The following ARHGAP15 variants were observed in gnomAD, a reference collection of about 807,000 sequenced individuals.
ARHGAP15 encodes rho GTPase-activating protein 15.
ARHGAP15 carries 51 observed loss-of-function variants against 63.7 expected under a neutral mutation model. That is an observed-to-expected ratio of 0.80 (90% CI 0.64 to 1.01). ARHGAP15 has a LOEUF of 1.01. ARHGAP15 is among the 50% of genes least tolerant of loss of function. The probability of loss-of-function intolerance (pLI) is 0.00; values close to 1 mark genes in which losing one functional copy is unlikely to be tolerated. For synonymous variants in ARHGAP15, 191 were observed against 193.8 expected (o/e 0.99, Z 0.12); for missense variants, 560 against 564.6 (o/e 0.99, Z 0.08).
chr2:143,335,403 T>A (rs755930640), intron 6 of ARHGAP15, among the ~76,000 whole-genome samples: 1 of 152,208 alleles, frequency 6.6e-6, no homozygotes, highest in Non-Finnish European at 1.5e-5. Context: ...TTTTAGATGC[T>A]GAGTCAGAGC....
chr2:143,130,794 T>C (rs1156469367), intron 1 of ARHGAP15, among the ~76,000 whole-genome samples: 2 of 152,178 alleles, frequency 1.3e-5, no homozygotes, highest in Non-Finnish European at 2.9e-5. Context: ...TGCTTTGATA[T>C]TGTGATTAGA....
intron 6 of ARHGAP15, among the ~76,000 whole-genome samples, chr2:143,386,340 C>CA (rs1687286219): frequency 6.6e-6 from 1 of 151,996 alleles, no homozygotes; most frequent in African/African-American, 2.4e-5. Flanking sequence ...AGCCATATAT[C>CA]AAAAAATAGA....
chr2:143,322,264 A>G (rs1056850353), intron 6 of ARHGAP15, among the ~76,000 whole-genome samples: 1 of 152,200 alleles, frequency 6.6e-6, no homozygotes, highest in Non-Finnish European at 1.5e-5. Context: ...AGGAGATACT[A>G]TGTTGATTTG....
At chr2:143,304,306 G>A (rs1683066127) in intron 6 of ARHGAP15, among the ~76,000 whole-genome samples, 1 of 152,136 alleles carries the variant, frequency 6.6e-6, no homozygotes, top group South Asian at 2.1e-4. Flanking sequence ...CCTCTGTAGG[G>A]ACATGGATGA....
intron 6 of ARHGAP15, among the ~76,000 whole-genome samples, chr2:143,359,504 A>G (rs187096073): frequency 9.8e-4 from 149 of 152,152 alleles, no homozygotes; most frequent in African/African-American, 3.5e-3. Context: ...TTCAGAATTC[A>G]TTTCTTGCCA....
At chr2:143,219,585 C>T (rs1349381892) in intron 4 of ARHGAP15, among the ~76,000 whole-genome samples, 1 of 152,158 alleles carries the variant, frequency 6.6e-6, no homozygotes, top group Non-Finnish European at 1.5e-5. Context: ...TCCAGGAGTA[C>T]AGGATTGCTC....
At chr2:143,477,272 G>T (rs994362058) in intron 8 of ARHGAP15, among the ~76,000 whole-genome samples, 5 of 151,960 alleles carry the variant, frequency 3.3e-5, no homozygotes, top group Non-Finnish European at 7.4e-5. Flanking sequence ...GATGCATAGT[G>T]AATGCTCAGT....
chr2:143,382,095 TCCC>T (rs1457853284), intron 6 of ARHGAP15, among the ~76,000 whole-genome samples: 359 of 28,646 alleles, frequency 0.013, 3 homozygotes, highest in South Asian at 0.058. Context: ...CCTTCCTTCC[TCCC>T]TCCCTTTCCT....
chr2:143,261,368 CTG>C (rs1044600691), intron 6 of ARHGAP15, among the ~76,000 whole-genome samples: 1 of 115,494 alleles, frequency 8.7e-6, no homozygotes, highest in Non-Finnish European at 1.6e-5. Flanking sequence ...GAGTCTCACT[CTG>C]TCACCCAGGC....
At chr2:143,579,853 C>A (rs996227697) in intron 11 of ARHGAP15, among the ~76,000 whole-genome samples, 8 of 151,530 alleles carry the variant, frequency 5.3e-5, no homozygotes, top group Non-Finnish European at 1.0e-4. Context: ...CCATTACCAG[C>A]ACTGAAACAT....
intron 8 of ARHGAP15, among the ~76,000 whole-genome samples, chr2:143,455,911 TGGCTGGCCCTA>T (rs1400277054): frequency 6.6e-6 from 1 of 152,100 alleles, no homozygotes; most frequent in Non-Finnish European, 1.5e-5. Context: ...CATTATTTCC[TGGCTGGCCCTA>T]GGAGGGAGGA....
At position 143,380,447 on chromosome 2, in the gene ARHGAP15, T is replaced by TG. The variant is rs139331674; in HGVS notation, c.475-55153dup. 5.5e-3 allele frequency among the ~76,000 whole-genome samples: 837 copies of TG among 152,288 alleles called. 6 individuals carry two copies. Among genetic ancestry groups the TG allele is most frequent in the African/African-American group, 0.018 (755 of 41,574 alleles). The stretch of plus-strand genomic sequence containing the variant: ...AGTTTGTTAGAGATAGTCCTGCTTT[T>TG]GCCCTATTGTCCAAGTACACTTGTT... On this transcript the variant is annotated intron_variant, in intron 6 of 13. Transcript: ENST00000295095.
intron 6 of ARHGAP15, among the ~76,000 whole-genome samples, chr2:143,314,846 A>C (rs1683621646): frequency 6.7e-6 from 1 of 149,380 alleles, no homozygotes; most frequent in Admixed American, 6.6e-5. Context: ...ATCACAACGC[A>C]ATTTCACTCA....
chr2:143,429,929 G>C (rs1689307655), intron 6 of ARHGAP15, among the ~76,000 whole-genome samples: 1 of 152,084 alleles, frequency 6.6e-6, no homozygotes, highest in African/African-American at 2.4e-5. Flanking sequence ...CCCCAAAGCT[G>C]AGAATATAAC....
intron 9 of ARHGAP15, among the ~76,000 whole-genome samples, chr2:143,512,541 A>G (rs1056286549): frequency 1.3e-5 from 2 of 152,254 alleles, no homozygotes; most frequent in Non-Finnish European, 2.9e-5. Context: ...ATCTGTAAGC[A>G]GTGGATCCCA....
At position 143,717,327 on chromosome 2, in the gene ARHGAP15, C is replaced by T. The variant is rs911750591; in HGVS notation, c.1244+13803C>T. 3.3e-5 allele frequency among the ~76,000 whole-genome samples: 5 copies of T among 152,204 alleles called. No individual in the cohort carries two copies. In the East Asian group the frequency reaches 5.8e-4, roughly 18 times the overall value. On this transcript the variant is annotated intron_variant, in intron 13 of 13. Coordinates refer to ENST00000295095, the MANE Select transcript of ARHGAP15 (RefSeq NM_018460.4). The stretch of plus-strand genomic sequence containing the variant: ...CGTGGCCTCTCTGGCTGGCATGTCC[C>T]GGTAGCTGCCAATTCCTTTCAGTTC...
At chr2:143,362,184 T>C (rs11676696) in intron 6 of ARHGAP15, among the ~76,000 whole-genome samples, 34,382 of 152,110 alleles carry the variant, frequency 0.23, 4,345 homozygotes, top group East Asian at 0.41. Context: ...CGTGCTCCTA[T>C]AATACCCTGA....
chr2:143,765,107 A>ATGTG (rs1491302215), intron 13 of ARHGAP15, among the ~76,000 whole-genome samples: 5 of 110,324 alleles, frequency 4.5e-5, no homozygotes, highest in African/African-American at 2.2e-4. Flanking sequence ...TGCCTCTAAA[A>ATGTG]TATGTGTGTG....
intron 8 of ARHGAP15, among the ~76,000 whole-genome samples, chr2:143,467,334 G>GA (rs1030946556): frequency 9.8e-6 from 1 of 102,238 alleles, no homozygotes; most frequent in Non-Finnish European, 2.1e-5. Context: ...TACCTTGTCT[G>GA]AAAAAAAAGT....
Sources: allele counts gnomAD v4.1 joint callset (sites outside exome capture counted in the v4.1 genomes callset), GRCh38; gene constraint gnomAD v4.1.1; transcripts MANE v1.5; gene names NCBI Gene and HGNC (gene_info 2026-07-23, HGNC 2026-07-21).